AP3B1: variants seen among roughly 807,000 people sequenced by gnomAD.
The protein encoded by AP3B1 is AP-3 complex subunit beta-1.
Under a neutral mutation model 132.5 loss-of-function variants are expected in AP3B1, and 61 were observed. That is an observed-to-expected ratio of 0.46 (90% CI 0.37 to 0.57). The LOEUF (loss-of-function observed/expected upper bound fraction) is 0.57, where lower values mean the gene tolerates loss of function less well. Among genes scored for constraint, AP3B1 ranks in the 20% least tolerant of loss-of-function variants. The pLI, the probability that AP3B1 is intolerant of heterozygous loss-of-function variation, is 0.00. For synonymous variants in AP3B1, 388 were observed against 438.3 expected (o/e 0.89, Z 1.43); for missense variants, 1,120 against 1,289.4 (o/e 0.87, Z 2.01).
intron 6 of AP3B1, among the ~76,000 whole-genome samples, chr5:78,218,257 T>G (rs1466011354): frequency 6.6e-6 from 1 of 152,106 alleles, no homozygotes; most frequent in Non-Finnish European, 1.5e-5. Flanking sequence ...TAAAATTAAA[T>G]GATCTACTCA....
intron 7 of AP3B1, among the ~76,000 whole-genome samples, chr5:78,182,532 A>C (rs929072107): frequency 2.0e-5 from 3 of 152,234 alleles, no homozygotes; most frequent in African/African-American, 4.8e-5. Flanking sequence ...GATCCAAAGA[A>C]AGACAGACCA....
Position 78,175,486 on chromosome 5 carries a change from T to G in AP3B1, c.1167+140A>C, listed in dbSNP as rs984263738. On this transcript the variant is annotated intron_variant, in intron 11 of 26. Transcript: ENST00000255194. ...GTAATTAGTATATAATAATATAGATTGAAAAGTATAAAGAAAAACCATTAA... is the reference window on the plus strand; with the variant it reads ...GTAATTAGTATATAATAATATAGATGGAAAAGTATAAAGAAAAACCATTAA... 1.3e-5 allele frequency: 9 copies of G among 678,248 alleles called. No individual in the cohort carries two copies. The East Asian group carries it at 2.5e-4, about 18-fold the overall frequency. The allele number at this position is 678,248 out of a possible 1,614,324, so 42.0% of individuals were successfully genotyped here. A position where few individuals can be genotyped will look rare whatever the true frequency, so the allele number is the denominator to read the frequency against.
At chr5:78,006,473 G>A (rs1238398287) in intron 26 of AP3B1, among the ~76,000 whole-genome samples, 2 of 151,988 alleles carry the variant, frequency 1.3e-5, no homozygotes, top group East Asian at 1.9e-4. Context: ...CAAAGCGTGC[G>A]GACTTGATTC....
At chr5:78,139,817 A>G (rs566283434) in intron 15 of AP3B1, among the ~76,000 whole-genome samples, 1 of 152,272 alleles carries the variant, frequency 6.6e-6, no homozygotes, top group East Asian at 1.9e-4. Flanking sequence ...GGGATGGAAG[A>G]GAAAGGAGAC....
chr5:78,166,496 A>G (rs1001247608), intron 11 of AP3B1, among the ~76,000 whole-genome samples: 1 of 152,184 alleles, frequency 6.6e-6, no homozygotes, highest in Non-Finnish European at 1.5e-5. Context: ...CCAAATACTC[A>G]GACATTTTAA....
chr5:78,065,462 C>T (rs898971594), intron 22 of AP3B1, among the ~76,000 whole-genome samples: 20 of 152,116 alleles, frequency 1.3e-4, no homozygotes, highest in Admixed American at 9.2e-4. Flanking sequence ...TCCAGGCTGC[C>T]GTTTTCCCCT....
intron 11 of AP3B1, among the ~76,000 whole-genome samples, 199 bp from the exon 12 acceptor site, chr5:78,165,871 C>T (rs868162281): frequency 6.6e-5 from 10 of 152,072 alleles, no homozygotes; most frequent in African/African-American, 2.4e-4. Flanking sequence ...GAGTGCAAGA[C>T]CAGCCTGACC....
At chr5:78,042,874 CT>C (rs1231858436) in intron 22 of AP3B1, 2 of 165,242 alleles carry the variant, frequency 1.2e-5, no homozygotes, top group African/African-American at 4.8e-5. Flanking sequence ...TCCAACCAAC[CT>C]TCTACAGAGA....
chr5:78,206,318 T>C (rs1745504119), intron 7 of AP3B1, among the ~76,000 whole-genome samples: 1 of 152,196 alleles, frequency 6.6e-6, no homozygotes, highest in South Asian at 2.1e-4. Flanking sequence ...ACAGGAGGTG[T>C]ACTCCTGAGA....
At chr5:78,049,082 C>A (rs1420874040) in intron 22 of AP3B1, among the ~76,000 whole-genome samples, 1 of 152,196 alleles carries the variant, frequency 6.6e-6, no homozygotes, top group Non-Finnish European at 1.5e-5. Flanking sequence ...TGTTTTGCAT[C>A]AAGGCTACTT....
intron 24 of AP3B1, among the ~76,000 whole-genome samples, chr5:78,031,923 G>A (rs1224398800): frequency 1.3e-5 from 2 of 152,160 alleles, no homozygotes; most frequent in African/African-American, 4.8e-5. Flanking sequence ...ACTAAGCTGT[G>A]TGACTTCCCA....
intron 22 of AP3B1, among the ~76,000 whole-genome samples, chr5:78,045,741 CAAT>C (rs750238266): frequency 3.3e-5 from 5 of 152,000 alleles, no homozygotes; most frequent in African/African-American, 1.2e-4. Context: ...TTATAGACAA[CAAT>C]GATTTTATTA....
intron 2 of AP3B1, 146 bp from the exon 3 acceptor site, chr5:78,241,082 C>T: frequency 1.7e-6 from 1 of 605,574 alleles, no homozygotes; most frequent in Non-Finnish European, 3.0e-6. Flanking sequence ...ATAATAAACA[C>T]TATCTTGTAC....
intron 16 of AP3B1, among the ~76,000 whole-genome samples, chr5:78,128,637 T>C (rs574507361): frequency 6.6e-6 from 1 of 152,264 alleles, no homozygotes; most frequent in East Asian, 1.9e-4. Context: ...AATACTTAAT[T>C]ACTCCTTTTA....
At chr5:78,049,707 C>T (rs1343511852) in intron 22 of AP3B1, among the ~76,000 whole-genome samples, 1 of 152,178 alleles carries the variant, frequency 6.6e-6, no homozygotes. Flanking sequence ...ATTATTCCAA[C>T]AGCCTCCTAA....
intron 22 of AP3B1, among the ~76,000 whole-genome samples, chr5:78,054,886 AAGGGAAAAGGATC>A (rs1460308429): frequency 1.3e-5 from 2 of 152,212 alleles, no homozygotes; most frequent in Admixed American, 1.3e-4. Context: ...AATCTGACAG[AAGGGAAAAGGATC>A]CTCATACATC....
intron 6 of AP3B1, among the ~76,000 whole-genome samples, chr5:78,225,008 T>C (rs1746345434): frequency 6.6e-6 from 1 of 152,098 alleles, no homozygotes; most frequent in Non-Finnish European, 1.5e-5. Context: ...TCTAATCAAA[T>C]GTTTATTGAA....
intron 22 of AP3B1, among the ~76,000 whole-genome samples, chr5:78,054,509 G>C (rs528658545): frequency 2.2e-5 from 3 of 138,578 alleles, no homozygotes; most frequent in African/African-American, 8.5e-5. Flanking sequence ...CAATGATTTC[G>C]TCAAGACAGA....
chr5:78,193,239 T>C (rs1027113374), intron 7 of AP3B1, among the ~76,000 whole-genome samples: 1 of 152,188 alleles, frequency 6.6e-6, no homozygotes, highest in Non-Finnish European at 1.5e-5. Context: ...CTGTTAGAGA[T>C]AATAGCCTAG....
Sources: allele counts gnomAD v4.1 joint callset (sites outside exome capture counted in the v4.1 genomes callset), GRCh38; gene constraint gnomAD v4.1.1; transcripts MANE v1.5; gene names NCBI Gene and HGNC (gene_info 2026-07-23, HGNC 2026-07-21).